MARCHF10: variants seen among roughly 807,000 people sequenced by gnomAD.
MARCHF10 encodes membrane associated ring-CH-type finger 10.
A neutral mutation model predicts 76.2 loss-of-function variants in MARCHF10; 64 were observed. The ratio of observed to expected loss-of-function variants is 0.84; its 90% CI spans 0.69 to 1.03. The LOEUF (loss-of-function observed/expected upper bound fraction) is 1.03, where lower values mean the gene tolerates loss of function less well. Among genes scored for constraint, MARCHF10 ranks in the 50% least tolerant of loss-of-function variants. MARCHF10 has a pLI of 0.00. For synonymous variants in MARCHF10, 340 were observed against 357.5 expected (o/e 0.95, Z 0.55); for missense variants, 875 against 958.0 (o/e 0.91, Z 1.14).
intron 7 of MARCHF10, among the ~76,000 whole-genome samples, chr17:62,724,102 G>A (rs1165234242): frequency 6.6e-6 from 1 of 152,116 alleles, no homozygotes; most frequent in East Asian, 1.9e-4. Flanking sequence ...CTGGCTGTGG[G>A]GGGATATGTT....
At chr17:62,793,898 C>T (rs1446098263) in intron 2 of MARCHF10, among the ~76,000 whole-genome samples, 2 of 148,876 alleles carry the variant, frequency 1.3e-5, no homozygotes, top group Non-Finnish European at 3.0e-5. Flanking sequence ...ATCCATCAAC[C>T]ACCACCTCCA....
At chr17:62,788,920 G>A (rs971598195) in intron 2 of MARCHF10, among the ~76,000 whole-genome samples, 22 of 151,494 alleles carry the variant, frequency 1.5e-4, no homozygotes, top group South Asian at 2.1e-4. Context: ...AAAATTAGCC[G>A]GGCGCGGTGG....
chr17:62,751,305 C>T (rs2091891120), intron 4 of MARCHF10, among the ~76,000 whole-genome samples: 1 of 152,130 alleles, frequency 6.6e-6, no homozygotes, highest in Non-Finnish European at 1.5e-5. Context: ...ACCTGCAAAA[C>T]GAGACGGGTG....
At chr17:62,782,022 T>C (rs2092667786) in intron 3 of MARCHF10, among the ~76,000 whole-genome samples, 2 of 152,200 alleles carry the variant, frequency 1.3e-5, no homozygotes, top group Non-Finnish European at 2.9e-5. Context: ...ACTTGGGATA[T>C]TTCCACCTAG....
At chr17:62,778,937 C>G (rs1017391291) in intron 3 of MARCHF10, among the ~76,000 whole-genome samples, 3 of 152,138 alleles carry the variant, frequency 2.0e-5, no homozygotes, top group African/African-American at 4.8e-5. Flanking sequence ...GCACCATGAG[C>G]CTGAGGGGCT....
chr17:62,719,118 T>C (rs1190642250), intron 8 of MARCHF10, among the ~76,000 whole-genome samples: 1 of 152,214 alleles, frequency 6.6e-6, no homozygotes. Flanking sequence ...TGACTGCTTA[T>C]AAAGTGGAAA....
chr17:62,730,816 C>T (rs550534929), intron 6 of MARCHF10, among the ~76,000 whole-genome samples: 30 of 152,100 alleles, frequency 2.0e-4, no homozygotes, highest in Non-Finnish European at 3.5e-4. Context: ...ATCACTTGAA[C>T]CCGGGAGGCG....
At position 62,701,565 on chromosome 17, in the gene MARCHF10, T is replaced by G. The variant is rs1321391563; in HGVS notation, c.*138A>C. Reference sequence around the variant, plus strand: ...GCTCAAGCCAGACCCCAAAAGAGAGTGGCACGAGGTGAAAATCTAACTGTG... The same window carrying G: ...GCTCAAGCCAGACCCCAAAAGAGAGGGGCACGAGGTGAAAATCTAACTGTG... On this transcript the variant is annotated 3_prime_UTR_variant, in exon 11 of 11. Coordinates refer to ENST00000311269, the MANE Select transcript of MARCHF10 (RefSeq NM_152598.4). 2 of 1,560,182 alleles carry G rather than the reference T, an allele frequency of 1.3e-6. No homozygotes were observed. The highest frequency in any genetic ancestry group is 1.7e-6 in the Non-Finnish European group (2 of 1,155,428).
At chr17:62,740,220 G>T (rs1400173217) in intron 5 of MARCHF10, among the ~76,000 whole-genome samples, 2 of 152,108 alleles carry the variant, frequency 1.3e-5, no homozygotes, top group Admixed American at 1.3e-4. Flanking sequence ...CAGGCACACT[G>T]GTATGCCAGG....
chr17:62,791,377 G>A (rs2092839724), intron 2 of MARCHF10, among the ~76,000 whole-genome samples: 1 of 152,254 alleles, frequency 6.6e-6, no homozygotes, highest in Non-Finnish European at 1.5e-5. Context: ...GGAGGAGGCA[G>A]TGTTAGCAAA....
chr17:62,789,687 CAGCACTTTGGG>C (rs1251014156), intron 2 of MARCHF10, among the ~76,000 whole-genome samples: 1 of 152,154 alleles, frequency 6.6e-6, no homozygotes, highest in Non-Finnish European at 1.5e-5. Flanking sequence ...CCTGTAATCC[CAGCACTTTGGG>C]AGGCTGAGGC....
intron 4 of MARCHF10, among the ~76,000 whole-genome samples, chr17:62,752,312 G>T (rs1385840611): frequency 6.6e-6 from 1 of 152,112 alleles, no homozygotes; most frequent in Non-Finnish European, 1.5e-5. Context: ...CTCACTGCAG[G>T]CCCTTGGGTC....
rs760777401 is a variant in MARCHF10, at chr17:62,746,947, C to A, written c.383-2419G>T. ...CAGAAGGTCCTCCGAGGTCTGTTTCCGGTTTATTCCACCAAGTCGGCTCTG... is the reference window on the plus strand; with the variant it reads ...CAGAAGGTCCTCCGAGGTCTGTTTCAGGTTTATTCCACCAAGTCGGCTCTG... On this transcript the variant is annotated intron_variant, in intron 4 of 10. Transcript: ENST00000311269. 17 of 1,536,098 alleles carry A rather than the reference C, an allele frequency of 1.1e-5. 1 individual carries two copies. The highest frequency in any genetic ancestry group is 1.1e-5 in the Non-Finnish European group (13 of 1,146,896).
At chr17:62,713,863 A>G (rs1271021752) in intron 8 of MARCHF10, among the ~76,000 whole-genome samples, 2 of 152,188 alleles carry the variant, frequency 1.3e-5, no homozygotes, top group Non-Finnish European at 2.9e-5. Context: ...AGGAGAAGGC[A>G]TGTGAAACAG....
At chr17:62,725,725 A>C (rs1479167017) in intron 6 of MARCHF10, among the ~76,000 whole-genome samples, 1 of 152,184 alleles carries the variant, frequency 6.6e-6, no homozygotes, top group African/African-American at 2.4e-5. Context: ...CCTGCCAGGA[A>C]GTTGGTGGGG....
At chr17:62,784,442 C>T (rs1405044551) in intron 3 of MARCHF10, among the ~76,000 whole-genome samples, 1 of 152,174 alleles carries the variant, frequency 6.6e-6, no homozygotes, top group African/African-American at 2.4e-5. Flanking sequence ...AAACTGGAAG[C>T]ATTCCCTTTG....
In MARCHF10 at chr17:62,701,667, A is replaced by C. The variant is rs780810554; in HGVS notation, c.*36T>G. On this transcript the variant is annotated 3_prime_UTR_variant, in exon 11 of 11. Coordinates refer to ENST00000311269, the MANE Select transcript of MARCHF10 (RefSeq NM_152598.4). ...GGACGTAGAAAGAAGGGCTGGCGGG[A>C]GAGGTCTCCGCCGAGCTCCACAGTT... 6.2e-7 allele frequency: 1 copy of C among 1,613,612 alleles called. No individual in the cohort carries two copies. Among genetic ancestry groups the C allele is most frequent in the Admixed American group, 1.7e-5 (1 of 60,022 alleles).
chr17:62,708,257 T>C (rs1038153796), intron 9 of MARCHF10, among the ~76,000 whole-genome samples: 6 of 151,484 alleles, frequency 4.0e-5, no homozygotes, highest in African/African-American at 1.5e-4. Context: ...TTTTTTTTTT[T>C]CTTTTTGAGA....
At chr17:62,803,144 C>T (rs1210146494) in intron 1 of MARCHF10, among the ~76,000 whole-genome samples, 1 of 151,994 alleles carries the variant, frequency 6.6e-6, no homozygotes, top group Non-Finnish European at 1.5e-5. Context: ...TGAAAATTAG[C>T]CAGGTATTGT....
Sources: allele counts gnomAD v4.1 joint callset (sites outside exome capture counted in the v4.1 genomes callset), GRCh38; gene constraint gnomAD v4.1.1; transcripts MANE v1.5; gene names NCBI Gene and HGNC (gene_info 2026-07-23, HGNC 2026-07-21).